The following POM121 variants were observed in gnomAD, a reference collection of about 807,000 sequenced individuals.
POM121 encodes the protein POM121 transmembrane nucleoporin.
In POM121, 32 loss-of-function variants were observed where a neutral mutation model predicts 81.3. The ratio of observed to expected loss-of-function variants is 0.39; its 90% CI spans 0.30 to 0.53. The LOEUF (loss-of-function observed/expected upper bound fraction) is 0.53. Among genes scored for constraint, POM121 ranks in the 20% least tolerant of loss-of-function variants. POM121 has a pLI of 0.66. For synonymous variants in POM121, 514 were observed against 694.2 expected, an observed-to-expected ratio of 0.74 and a Z score of 4.08; for missense variants, 1,138 against 1,614.6, an observed-to-expected ratio of 0.70 and a Z score of 5.06.
chr7:72,949,526 A>G, downstream of POM121: 1 of 981,586 alleles, frequency 1.0e-6, no homozygotes, highest in Non-Finnish European at 1.6e-6. Context: ...TGAGCTGAGC[A>G]TGCATGGAGC....
intron 3 of POM121, among the ~76,000 whole-genome samples, chr7:72,894,674 A>AGAGAGAGATCTC (rs1791742590): frequency 6.7e-6 from 1 of 148,634 alleles, no homozygotes; most frequent in East Asian, 2.0e-4. Context: ...AGAGAGAGAG[A>AGAGAGAGATCTC]GAGAGAGATC....
Position 72,939,965 on chromosome 7 carries a change from C to G in POM121, c.1560C>G (p.Thr520=), listed in dbSNP as rs781898676. 6.2e-7 allele frequency: 1 copy of G among 1,605,932 alleles called. No homozygotes were observed. The highest frequency in any genetic ancestry group is 8.5e-7 in the Non-Finnish European group (1 of 1,175,500). ...CTTCTCGGCGAGGGGAACAGCTGAC[C>G]TTGGTATGGTCTTGTCCATCTACTC... is the stretch of plus-strand genomic sequence containing the variant. ...LLPSRRGEQL[T]LPPPPQLGYS... Residue 520 remains threonine (T), a synonymous_variant, in exon 8 of 13, where the codon ACC becomes ACG. Coordinates refer to ENST00000434423, the MANE Select transcript of POM121 (RefSeq NM_001387691.1).
downstream of POM121, chr7:72,950,155 A>G: frequency 6.2e-7 from 1 of 1,606,620 alleles, no homozygotes; most frequent in Non-Finnish European, 8.5e-7. Flanking sequence ...CAAGGGGTCC[A>G]GGAGAAAATG....
In POM121 at chr7:72,946,736, TC is replaced by T. The variant is rs1554503395; in HGVS notation, c.*506del. On this transcript the variant is annotated 3_prime_UTR_variant, in exon 13 of 13. Transcript: ENST00000434423. ...TCTGGTCCCTTCTGGGGACTCTGTT[TC>T]CCCATTTCTTGCTGCTGTGTCCCTC... 1.1e-6 allele frequency: 1 copy of T among 950,742 alleles called. No homozygotes were observed. Among genetic ancestry groups the T allele is most frequent in the Non-Finnish European group, 1.2e-6 (1 of 809,296 alleles). 58.9% of individuals were successfully genotyped at this position (950,742 alleles called of 1,614,324 possible). A position where few individuals can be genotyped will look rare whatever the true frequency, so the allele number is the denominator to read the frequency against.
intron 1 of POM121, among the ~76,000 whole-genome samples, chr7:72,887,474 G>A (rs1790837273): frequency 6.6e-6 from 1 of 152,108 alleles, no homozygotes; most frequent in African/African-American, 2.4e-5. Context: ...GGTTCACCTT[G>A]TTTATTTCCC....
chr7:72,949,440 C>T (rs782559619), downstream of POM121: 61 of 1,576,850 alleles, frequency 3.9e-5, no homozygotes, highest in Admixed American at 2.3e-4. Context: ...AGGCCAGCAG[C>T]GTGGCCATGG....
chr7:72,936,197 A>AT (rs1279827139), intron 5 of POM121, among the ~76,000 whole-genome samples: 1 of 151,422 alleles, frequency 6.6e-6, no homozygotes, highest in Non-Finnish European at 1.5e-5. Flanking sequence ...TTTTTTCTTT[A>AT]TTTTTTCTTG....
In POM121 at chr7:72,888,675, A is replaced by AGTGTGTGT. The variant is rs57062510; in HGVS notation, c.-520-1931_-520-1924dup. On this transcript the variant is annotated intron_variant, in intron 1 of 15. Transcript: ENST00000395270. ...CGGACCGAGAAGACTGAGGCATAAG[A>AGTGTGTGT]GTGTGTGTGTGTGTGTGTGTGTGTG... 4.9e-3 allele frequency among the ~76,000 whole-genome samples: 691 copies of AGTGTGTGT among 141,708 alleles called. 1 individual carries two copies. The highest frequency in any genetic ancestry group is 8.2e-3 in the African/African-American group (320 of 39,218). 93.0% of individuals were successfully genotyped at this position (141,708 alleles called of 152,430 possible). A position where few individuals can be genotyped will look rare whatever the true frequency, so the allele number is the denominator to read the frequency against.
rs1797808029 is a variant in POM121, at chr7:72,948,018, C to T, written c.*1784C>T. The stretch of plus-strand genomic sequence containing the variant: ...AGGGTCTGGGTGGGCCTGGGCCTAG[C>T]AATCAAGCTTCTACCTGTACCTTAT... On this transcript the variant is annotated 3_prime_UTR_variant, in exon 13 of 13. Coordinates refer to ENST00000434423, the MANE Select transcript of POM121 (RefSeq NM_001387691.1). The T allele has an allele frequency of 1.7e-6, 2 of 1,148,636 alleles. No homozygotes were observed. The allele number at this position is 1,148,636 out of a possible 1,614,324, so 71.2% of individuals were successfully genotyped here.
At position 72,925,209 on chromosome 7, in the gene POM121, G is replaced by C. The variant is rs1167914712; in HGVS notation, c.88G>C (p.Gly30Arg). 2 of 1,524,560 alleles carry C rather than the reference G, an allele frequency of 1.3e-6. No individual in the cohort carries two copies. Among genetic ancestry groups the C allele is most frequent in the Non-Finnish European group, 1.8e-6 (2 of 1,142,644 alleles). The allele number at this position is 1,524,560 out of a possible 1,614,324, so 94.4% of individuals were successfully genotyped here. Residue 30 changes from glycine to arginine, a missense_variant, in exon 1 of 13, where the codon GGG becomes CGG. Coordinates refer to ENST00000434423, the MANE Select transcript of POM121 (RefSeq NM_001387691.1). ...GGACGGCCGGGGCCGGGGCTGCGGCGGGCCGGCCAGGGCGGTGCTCCTGGG... is the reference window on the plus strand; with the variant it reads ...GGACGGCCGGGGCCGGGGCTGCGGCCGGCCGGCCAGGGCGGTGCTCCTGGG... Reference protein sequence around the residue: ...VRDGRGRGCGGPARAVLLGLS... With the variant: ...VRDGRGRGCGRPARAVLLGLS...
intron 1 of POM121, among the ~76,000 whole-genome samples, chr7:72,888,011 A>G (rs542338919): frequency 3.9e-5 from 6 of 152,136 alleles, no homozygotes; most frequent in African/African-American, 1.2e-4. Context: ...GTCTCTGTCT[A>G]TATGTTTTTT....
intron 3 of POM121, among the ~76,000 whole-genome samples, chr7:72,900,311 G>A (rs1792473717): frequency 1.3e-5 from 2 of 150,858 alleles, no homozygotes; most frequent in Non-Finnish European, 2.9e-5. Flanking sequence ...TGCAGGGTCT[G>A]TGCTAATAGC....
intron 5 of POM121, among the ~76,000 whole-genome samples, chr7:72,930,590 G>T (rs1795918450): frequency 6.6e-6 from 1 of 152,240 alleles, no homozygotes; most frequent in African/African-American, 2.4e-5. Context: ...TAGGCGTTTA[G>T]AATTGAAAGC....
chr7:72,928,244 G>T, intron 3 of POM121, 141 bp from the exon 4 acceptor site: 1 of 1,250,936 alleles, frequency 8.0e-7, no homozygotes, highest in Admixed American at 2.3e-5. Context: ...GAAGCTTAGG[G>T]ATTTTAAACA....
intron 1 of POM121, among the ~76,000 whole-genome samples, chr7:72,890,085 A>G (rs1305886124): frequency 1.3e-5 from 2 of 151,896 alleles, no homozygotes; most frequent in East Asian, 1.9e-4. Context: ...TGAGATTGAG[A>G]TGTTTGAGAT....
At chr7:72,923,905 A>T (rs558814925), upstream of POM121, among the ~76,000 whole-genome samples, 1 of 131,282 alleles carries the variant, frequency 7.6e-6, no homozygotes, top group South Asian at 2.4e-4. Context: ...TGGCCTTCTT[A>T]TTTTTTTTTC....
rs202141753 is a variant in POM121 at position 72,886,335 on chromosome 7, G to A, written c.-520-4292G>A. 8.0e-4 allele frequency among the ~76,000 whole-genome samples: 121 copies of A among 151,974 alleles called. 1 individual carries two copies. The highest frequency in any genetic ancestry group is 6.2e-4 in the South Asian group (3 of 4,816). ...ATTACAGACACCCACCATCACGCCCGGCTAATTTTTGTATTTTTAGTAGAG... is the reference window on the plus strand; with the variant it reads ...ATTACAGACACCCACCATCACGCCCAGCTAATTTTTGTATTTTTAGTAGAG... On this transcript the variant is annotated intron_variant, in intron 1 of 15. Coordinates refer to the POM121 transcript ENST00000395270.
At chr7:72,928,241 A>G in intron 3 of POM121, 144 bp from the exon 4 acceptor site, 2 of 1,205,758 alleles carry the variant, frequency 1.7e-6, no homozygotes, top group Non-Finnish European at 2.3e-6. Context: ...TCAGAAGCTT[A>G]GGGATTTTAA....
chr7:72,916,740 G>A (rs1794324223), intron 4 of POM121, among the ~76,000 whole-genome samples: 1 of 152,112 alleles, frequency 6.6e-6, no homozygotes, highest in South Asian at 2.1e-4. Context: ...CATTGACTCT[G>A]TAAATTATTT....
Sources: allele counts gnomAD v4.1 joint callset (sites outside exome capture counted in the v4.1 genomes callset), GRCh38; gene constraint gnomAD v4.1.1; transcripts MANE v1.5; gene names NCBI Gene and HGNC (gene_info 2026-07-23, HGNC 2026-07-21).